GLIS3: variants seen among roughly 807,000 people sequenced by gnomAD.
The protein encoded by GLIS3 is GLIS family zinc finger 3, also known as zinc finger protein GLIS3.
Under a neutral mutation model 78.6 loss-of-function variants are expected in GLIS3, and 53 were observed. That is an observed-to-expected ratio of 0.67 (90% CI 0.54 to 0.85). GLIS3 has a LOEUF of 0.85. Ranked by LOEUF, GLIS3 falls within the 40% of genes least tolerant of loss-of-function variation. The pLI is 0.00. For missense variants in GLIS3, 1,703 were observed against 1,231.1 expected, an observed-to-expected ratio of 1.38 and a Z score of -5.74; for synonymous variants, 684 against 509.9, an observed-to-expected ratio of 1.34 and a Z score of -4.60.
chr9:4,331,655 T>G (rs1265970174), intron 2 of GLIS3, among the ~76,000 whole-genome samples: 1 of 152,246 alleles, frequency 6.6e-6, no homozygotes, highest in South Asian at 2.1e-4. Context: ...ACAATGATGA[T>G]AGAGTATGAT....
chr9:4,188,026 A>G (rs1173837408), intron 2 of GLIS3, among the ~76,000 whole-genome samples: 1 of 152,040 alleles, frequency 6.6e-6, no homozygotes, highest in African/African-American at 2.4e-5. Context: ...AGAACTTCCA[A>G]CACTATGTTG....
At chr9:4,362,756 G>A in the GLIS3 span, among the ~76,000 whole-genome samples, 1 of 152,172 alleles carries the variant, frequency 6.6e-6, no homozygotes, top group Non-Finnish European at 1.5e-5. Context: ...AGCTTTTGGT[G>A]CATCATTTCA....
intron 9 of GLIS3, among the ~76,000 whole-genome samples, chr9:3,847,474 A>G (rs186886850): frequency 4.9e-4 from 74 of 152,374 alleles, no homozygotes; most frequent in African/African-American, 1.6e-3. Flanking sequence ...GAGACTTACA[A>G]TTTAGCAATA....
chr9:4,315,664 G>A (rs1393752548), intron 2 of GLIS3, among the ~76,000 whole-genome samples: 2 of 152,068 alleles, frequency 1.3e-5, no homozygotes, highest in Non-Finnish European at 2.9e-5. Flanking sequence ...GAACTTTCCT[G>A]CAAAACACAG....
At chr9:4,059,635 T>C (rs1249190773) in intron 4 of GLIS3, among the ~76,000 whole-genome samples, 1 of 152,200 alleles carries the variant, frequency 6.6e-6, no homozygotes. Context: ...TTGGAGATCC[T>C]TATTATTCTA....
At position 4,189,685 on chromosome 9, in the gene GLIS3, G is replaced by A. The variant is rs371737470; in HGVS notation, c.389-63744C>T. On this transcript the variant is annotated intron_variant, in intron 2 of 10. Coordinates refer to ENST00000381971, the MANE Select transcript of GLIS3 (RefSeq NM_001042413.2). ...TTATAAATCTGGATGCTCCTGTACTGGGTGCATATATATTTAGGATAGTTA... is the reference window on the plus strand; with the variant it reads ...TTATAAATCTGGATGCTCCTGTACTAGGTGCATATATATTTAGGATAGTTA... Among the ~76,000 whole-genome samples, 23 of 152,246 alleles carry A rather than the reference G, an allele frequency of 1.5e-4. No homozygotes were observed. In the East Asian group the frequency reaches 2.5e-3, roughly 17 times the overall value.
At chr9:4,429,371 T>G in the GLIS3 span, among the ~76,000 whole-genome samples, 3 of 151,996 alleles carry the variant, frequency 2.0e-5, no homozygotes, top group Non-Finnish European at 4.4e-5. Context: ...TTTCTTCTAG[T>G]GCCTTGTGTT....
At chr9:4,171,762 C>G (rs1816393753) in intron 2 of GLIS3, among the ~76,000 whole-genome samples, 1 of 152,134 alleles carries the variant, frequency 6.6e-6, no homozygotes, top group Non-Finnish European at 1.5e-5. Context: ...AGTGGTTAGG[C>G]ATTGCAGATT....
chr9:4,202,729 T>A (rs1473081013), intron 2 of GLIS3, among the ~76,000 whole-genome samples: 3 of 152,198 alleles, frequency 2.0e-5, no homozygotes, highest in African/African-American at 7.2e-5. Flanking sequence ...AAGGAATCCC[T>A]ATTAAATAAA....
intron 2 of GLIS3, among the ~76,000 whole-genome samples, chr9:4,199,746 A>C (rs539393278): frequency 6.6e-6 from 1 of 152,312 alleles, no homozygotes; most frequent in South Asian, 2.1e-4. Flanking sequence ...CATTAGACAG[A>C]TCATTGAGGC....
the GLIS3 span, among the ~76,000 whole-genome samples, chr9:4,403,380 C>G: frequency 4.6e-5 from 7 of 152,258 alleles, no homozygotes; most frequent in Non-Finnish European, 1.0e-4. Flanking sequence ...AAAAAACTCA[C>G]TGGTAATAGT....
chr9:4,049,894 T>C (rs1279512981), intron 4 of GLIS3, among the ~76,000 whole-genome samples: 1 of 151,764 alleles, frequency 6.6e-6, no homozygotes, highest in Non-Finnish European at 1.5e-5. Context: ...AAAACCACAA[T>C]GAGATACCAT....
At position 4,117,713 on chromosome 9, in the gene GLIS3, C is replaced by G. The variant is rs927315; in HGVS notation, c.1710+55G>C. 5 of 1,609,488 alleles carry G rather than the reference C, an allele frequency of 3.1e-6. No homozygotes were observed. In the East Asian group the frequency reaches 1.1e-4, roughly 36 times the overall value. ...GCCGAGTTAGGAAAAAACACACGTA[C>G]GCAAAGCAAGCCGGGCCTTCAAGAG... On this transcript the variant is annotated intron_variant, in intron 4 of 10. Coordinates refer to ENST00000381971, the MANE Select transcript of GLIS3 (RefSeq NM_001042413.2).
At chr9:4,481,361 G>A in the GLIS3 span, among the ~76,000 whole-genome samples, 1 of 152,110 alleles carries the variant, frequency 6.6e-6, no homozygotes, top group African/African-American at 2.4e-5. Context: ...GTGTGTGCCT[G>A]TAATCCCAGC....
intron 2 of GLIS3, among the ~76,000 whole-genome samples, chr9:4,255,724 T>C (rs1192455439): frequency 6.6e-6 from 1 of 151,924 alleles, no homozygotes; most frequent in East Asian, 1.9e-4. Flanking sequence ...GAGGGATGAA[T>C]AGGCAGGGCA....
chr9:4,169,704 C>CG (rs1816204306), intron 2 of GLIS3, among the ~76,000 whole-genome samples: 1 of 151,904 alleles, frequency 6.6e-6, no homozygotes, highest in Admixed American at 6.6e-5. Context: ...AAAAGGGCAT[C>CG]GAGTCTATAA....
chr9:4,114,149 G>A (rs919276701), intron 4 of GLIS3, among the ~76,000 whole-genome samples: 1 of 152,064 alleles, frequency 6.6e-6, no homozygotes, highest in African/African-American at 2.4e-5. Flanking sequence ...TACTCACTCT[G>A]CCCCAGATAG....
intron 4 of GLIS3, among the ~76,000 whole-genome samples, chr9:4,033,116 G>C (rs1383267724): frequency 6.6e-6 from 1 of 152,088 alleles, no homozygotes; most frequent in Non-Finnish European, 1.5e-5. Context: ...GTCTCCCAAA[G>C]TGCTGGGATT....
intron 2 of GLIS3, among the ~76,000 whole-genome samples, chr9:4,255,819 G>C (rs1824879234): frequency 6.6e-6 from 1 of 151,944 alleles, no homozygotes; most frequent in Non-Finnish European, 1.5e-5. Flanking sequence ...CAAACTCATA[G>C]AATGTACAAT....
Sources: allele counts gnomAD v4.1 joint callset (sites outside exome capture counted in the v4.1 genomes callset), GRCh38; gene constraint gnomAD v4.1.1; transcripts MANE v1.5; gene names NCBI Gene and HGNC (gene_info 2026-07-23, HGNC 2026-07-21).